The following SAMD8 variants were observed in gnomAD, a reference collection of about 807,000 sequenced individuals.
SAMD8 encodes sphingomyelin synthase-related protein 1.
Under a neutral mutation model 42.0 loss-of-function variants are expected in SAMD8, and 20 were observed. The observed-to-expected ratio is 0.48, with a 90% CI of 0.34 to 0.69. SAMD8 has a LOEUF of 0.69. SAMD8 is among the 30% of genes least tolerant of loss of function. The pLI is 0.01. For missense variants in SAMD8, 328 were observed against 511.6 expected, an observed-to-expected ratio of 0.64 and a Z score of 3.46; for synonymous variants, 162 against 173.0, an observed-to-expected ratio of 0.94 and a Z score of 0.50.
At chr10:75,153,544 G>A (rs1353049492) in intron 2 of SAMD8, among the ~76,000 whole-genome samples, 2 of 151,634 alleles carry the variant, frequency 1.3e-5, no homozygotes, top group Admixed American at 1.3e-4. Flanking sequence ...AACCTGGGAG[G>A]CAGAGGTTGC....
intron 1 of SAMD8, among the ~76,000 whole-genome samples, chr10:75,149,802 A>AGTTCTC (rs1210107717): frequency 6.6e-6 from 1 of 152,048 alleles, no homozygotes; most frequent in East Asian, 1.9e-4. Flanking sequence ...GATTTTTCTC[A>AGTTCTC]GTTCTCGAGT....
At chr10:75,134,902 A>T (rs1849354191) in intron 1 of SAMD8, among the ~76,000 whole-genome samples, 2 of 145,436 alleles carry the variant, frequency 1.4e-5, no homozygotes, top group South Asian at 4.2e-4. Context: ...ACAAAAAAGT[A>T]AAAAAAAAAT....
chr10:75,132,052 C>G (rs1219848042), intron 1 of SAMD8, among the ~76,000 whole-genome samples: 1 of 152,088 alleles, frequency 6.6e-6, no homozygotes, highest in Non-Finnish European at 1.5e-5. Context: ...ATGTAGTTTC[C>G]TTGGAAGCCT....
chr10:75,103,839 G>A (rs948571204), intron 1 of SAMD8: 1 of 1,233,570 alleles, frequency 8.1e-7, no homozygotes, highest in Admixed American at 2.8e-5. Context: ...CAGGGAACTT[G>A]GGGTCCCTGG....
intron 2 of SAMD8, 76 bp downstream of exon 2, chr10:75,151,182 T>C (rs1011322229): frequency 1.4e-6 from 1 of 735,916 alleles, no homozygotes; most frequent in African/African-American, 1.8e-5. Context: ...TTTATGATAA[T>C]TATATTGTTT....
chr10:75,100,623 C>T (rs1453944611), intron 1 of SAMD8, among the ~76,000 whole-genome samples: 3 of 152,208 alleles, frequency 2.0e-5, no homozygotes, highest in Non-Finnish European at 4.4e-5. Flanking sequence ...GAGCTCCCCT[C>T]CCACTCCCTG....
chr10:75,131,008 A>C (rs1226362579), intron 1 of SAMD8, among the ~76,000 whole-genome samples: 3 of 152,198 alleles, frequency 2.0e-5, no homozygotes, highest in Non-Finnish European at 4.4e-5. Context: ...AGCTTGGAAG[A>C]CTCAAGAGGT....
intron 1 of SAMD8, among the ~76,000 whole-genome samples, chr10:75,115,413 C>T (rs921102925): frequency 6.6e-6 from 1 of 152,140 alleles, no homozygotes; most frequent in African/African-American, 2.4e-5. Flanking sequence ...GGGCCAGGCA[C>T]ACTGGGAAAA....
chr10:75,148,411 T>C (rs1371901725), intron 1 of SAMD8, among the ~76,000 whole-genome samples: 1 of 141,522 alleles, frequency 7.1e-6, no homozygotes, highest in Non-Finnish European at 1.5e-5. Context: ...TGGTGTGCAA[T>C]GGCACAATCT....
intron 1 of SAMD8, among the ~76,000 whole-genome samples, chr10:75,131,427 G>A (rs1480288208): frequency 1.3e-5 from 2 of 152,002 alleles, no homozygotes; most frequent in Non-Finnish European, 2.9e-5. Context: ...AGAACTGTCT[G>A]AAAAGAAAAA....
chr10:75,174,419 G>T (rs1840941799), intron 4 of SAMD8, among the ~76,000 whole-genome samples: 1 of 148,692 alleles, frequency 6.7e-6, no homozygotes, highest in South Asian at 2.1e-4. Context: ...GTGAGCCACC[G>T]TGCCTGGCCT....
chr10:75,176,437 C>T lies in SAMD8; in HGVS notation c.993C>T (p.Asn331=), dbSNP rs770312937. The change falls in exon 6 of 6, where the codon AAC becomes AAT. Residue 331 remains asparagine (N), a synonymous_variant. Transcript: ENST00000542569. This position sits in a 1 kb window ranked among gnomAD's most constrained non-coding sequence, Gnocchi z 4.3. The stretch of plus-strand genomic sequence containing the variant: ...TGCACACTTTATCCTGGGTTCTCAA[C>T]CTCTTTGGAATCTTCTTCATCTTGG... ...NFLHTLSWVL[N]LFGIFFILAA... is the part of the protein sequence containing the mutation. 1.3e-6 allele frequency: 2 copies of T among 1,551,006 alleles called. No homozygotes were observed. The highest frequency in any genetic ancestry group is 1.7e-6 in the Non-Finnish European group (2 of 1,147,068).
Position 75,176,630 on chromosome 10 carries a change from G to T in SAMD8, c.1186G>T (p.Val396Leu), listed in dbSNP as rs1301892103. Residue 396 changes from valine (V) to leucine (L), a missense_variant, in exon 6 of 6, where the codon GTA becomes TTA. Val to Leu is a conservative substitution (Grantham distance 32). Transcript: ENST00000542569. The surrounding 1 kb of genome is among the most constrained non-coding windows in gnomAD (Gnocchi z 4.3). Reference sequence around the variant, plus strand: ...TTTTGAATGCAATGTTAATGGCACAGTACCTAATGAATATTGTTGGCCATT... The same window carrying T: ...TTTTGAATGCAATGTTAATGGCACATTACCTAATGAATATTGTTGGCCATT... ...SFFECNVNGT[V>L]PNEYCWPFSK... The T allele has an allele frequency of 1.3e-6, 2 of 1,548,588 alleles. No homozygotes were observed. The highest frequency in any genetic ancestry group is 1.4e-5 in the African/African-American group (1 of 72,956).
intron 1 of SAMD8, among the ~76,000 whole-genome samples, chr10:75,146,784 A>G (rs1233485239): frequency 6.6e-6 from 1 of 152,232 alleles, no homozygotes; most frequent in African/African-American, 2.4e-5. Flanking sequence ...TGTATTTATC[A>G]TTCAAAGTCT....
chr10:75,115,896 ACACCACTG>A (rs1464925041), intron 1 of SAMD8, among the ~76,000 whole-genome samples: 2 of 150,030 alleles, frequency 1.3e-5, no homozygotes, highest in Non-Finnish European at 3.0e-5. Context: ...AGCGGAGATC[ACACCACTG>A]CACTCCAGCC....
At chr10:75,160,770 T>G (rs1840539787) in intron 2 of SAMD8, among the ~76,000 whole-genome samples, 1 of 152,162 alleles carries the variant, frequency 6.6e-6, no homozygotes, top group African/African-American at 2.4e-5. Context: ...GGTAAGTTTA[T>G]TTGTACTTCA....
chr10:75,140,286 G>T (rs1026982145), intron 1 of SAMD8, among the ~76,000 whole-genome samples: 4 of 152,142 alleles, frequency 2.6e-5, no homozygotes, highest in Non-Finnish European at 2.9e-5. Context: ...TGTGTTTTTA[G>T]TAGAGACAGG....
chr10:75,109,265 T>C, upstream of SAMD8: 1 of 1,339,300 alleles, frequency 7.5e-7, no homozygotes, highest in Non-Finnish European at 9.9e-7. Flanking sequence ...AGCAAGTGAC[T>C]CAGCAAGTCA....
chr10:75,104,008 C>T (rs528963956), intron 1 of SAMD8: 16 of 1,357,996 alleles, frequency 1.2e-5, no homozygotes, highest in Middle Eastern at 4.2e-4. Context: ...TCTGTGTGTC[C>T]GCCTGGGCCA....
Sources: allele counts gnomAD v4.1 joint callset (sites outside exome capture counted in the v4.1 genomes callset), GRCh38; gene constraint gnomAD v4.1.1; non-coding constraint Gnocchi (gnomAD v3.1); transcripts MANE v1.5; gene names NCBI Gene and HGNC (gene_info 2026-07-23, HGNC 2026-07-21).